The following SLC13A3 variants were observed in gnomAD, a reference collection of about 807,000 sequenced individuals.
SLC13A3 encodes solute carrier family 13 member 3, also known as Na(+)/dicarboxylate cotransporter 3.
A neutral mutation model predicts 59.0 loss-of-function variants in SLC13A3; 40 were observed. The observed-to-expected ratio is 0.68, with a 90% CI of 0.53 to 0.88. The LOEUF (loss-of-function observed/expected upper bound fraction) is 0.88, where lower values mean the gene tolerates loss of function less well. Among genes scored for constraint, SLC13A3 ranks in the 40% least tolerant of loss-of-function variants. The pLI, the probability that SLC13A3 is intolerant of heterozygous loss-of-function variation, is 0.00. For missense variants in SLC13A3, 699 were observed against 783.2 expected (o/e 0.89, Z 1.28); for synonymous variants, 317 against 330.3 (o/e 0.96, Z 0.44).
At chr20:46,654,276 T>A (rs1389096220), upstream of SLC13A3, among the ~76,000 whole-genome samples, 1 of 152,214 alleles carries the variant, frequency 6.6e-6, no homozygotes. Flanking sequence ...AGGGCCTTGG[T>A]CCATTTTTTT....
At position 46,592,420 on chromosome 20, in the gene SLC13A3, C is replaced by A; in HGVS notation, c.904G>T (p.Gly302Trp). The A allele has an allele frequency of 6.2e-7, 1 of 1,613,854 alleles. No individual in the cohort carries two copies. Among genetic ancestry groups the A allele is most frequent in the Non-Finnish European group, 8.5e-7 (1 of 1,179,876 alleles). ...AGWLWISFLYGGLSFRGWRKN... is the reference protein window; with the variant it reads ...AGWLWISFLYWGLSFRGWRKN... ...GAGAGGTACCTGAAGCTCAGTCCCCCGTACAGGAAGGAGATCCAGAGCCAG... is the reference window on the plus strand; with the variant it reads ...GAGAGGTACCTGAAGCTCAGTCCCCAGTACAGGAAGGAGATCCAGAGCCAG... The change falls in exon 6 of 13, where the codon GGG becomes TGG. Residue 302 changes from glycine (G) to tryptophan (W), a missense_variant. Coordinates refer to ENST00000279027, the MANE Select transcript of SLC13A3 (RefSeq NM_022829.6).
chr20:46,604,467 A>AT (rs979388566), intron 3 of SLC13A3, among the ~76,000 whole-genome samples: 5 of 151,642 alleles, frequency 3.3e-5, no homozygotes, highest in Admixed American at 2.6e-4. Flanking sequence ...AAAAAGTTTG[A>AT]TTTTTTTTCT....
At chr20:46,615,425 G>T (rs182375751) in intron 1 of SLC13A3, among the ~76,000 whole-genome samples, 4 of 152,286 alleles carry the variant, frequency 2.6e-5, no homozygotes, top group Middle Eastern at 6.8e-3. Flanking sequence ...CCATCTTACA[G>T]GGAGGCCAGG....
chr20:46,648,736 C>T (rs954801327), intron 1 of SLC13A3, among the ~76,000 whole-genome samples: 5 of 152,090 alleles, frequency 3.3e-5, no homozygotes, highest in African/African-American at 4.8e-5. Flanking sequence ...GAAACCCCGT[C>T]TCTACTAAAA....
intron 5 of SLC13A3, among the ~76,000 whole-genome samples, chr20:46,594,941 T>C (rs1367941514): frequency 6.6e-6 from 1 of 152,156 alleles, no homozygotes; most frequent in Non-Finnish European, 1.5e-5. Flanking sequence ...CACATGTATG[T>C]TACTGAGGGT....
chr20:46,589,822 A>G (rs535890711), intron 6 of SLC13A3, among the ~76,000 whole-genome samples: 1 of 152,338 alleles, frequency 6.6e-6, no homozygotes, highest in South Asian at 2.1e-4. Context: ...CTGGACCCCT[A>G]CCTCACACCA....
chr20:46,567,228 T>C (rs539600401), intron 10 of SLC13A3, among the ~76,000 whole-genome samples: 1 of 152,106 alleles, frequency 6.6e-6, no homozygotes. Flanking sequence ...TATACACACA[T>C]ACAGTAATAA....
rs539355401 is a variant in SLC13A3 at position 46,659,041 on chromosome 20, T to C, written c.-31+11002A>G. 3.9e-5 allele frequency among the ~76,000 whole-genome samples: 6 copies of C among 152,332 alleles called. No homozygotes were observed. The South Asian group carries it at 8.3e-4, about 21-fold the overall frequency. ...CCACTTTTTTTAAACTGTCAACCTG[T>C]TTCTATATGTACAATGTGTTTATTC... On this transcript the variant is annotated intron_variant, in intron 1 of 12. Transcript: ENST00000290317.
At chr20:46,601,994 C>A (rs1050529423) in intron 3 of SLC13A3, among the ~76,000 whole-genome samples, 2 of 152,110 alleles carry the variant, frequency 1.3e-5, no homozygotes, top group African/African-American at 4.8e-5. Flanking sequence ...ACTAGAGTAG[C>A]ATTTGAGCAG....
At chr20:46,667,081 G>C (rs953652497) in intron 1 of SLC13A3, among the ~76,000 whole-genome samples, 45 of 152,022 alleles carry the variant, frequency 3.0e-4, no homozygotes, top group African/African-American at 8.5e-4. Flanking sequence ...CCGAGGGCAA[G>C]TTATTTCCCA....
At chr20:46,616,733 A>G (rs573955572) in intron 1 of SLC13A3, among the ~76,000 whole-genome samples, 5 of 152,212 alleles carry the variant, frequency 3.3e-5, no homozygotes, top group Non-Finnish European at 7.3e-5. Context: ...AAGCTCCTGG[A>G]ATCCCAACAT....
At chr20:46,636,082 A>G (rs1407469722) in intron 1 of SLC13A3, among the ~76,000 whole-genome samples, 3 of 152,180 alleles carry the variant, frequency 2.0e-5, no homozygotes. Flanking sequence ...AATAACCACA[A>G]GTATGCTCAG....
intron 1 of SLC13A3, among the ~76,000 whole-genome samples, chr20:46,625,063 C>T (rs1468867148): frequency 1.3e-5 from 2 of 152,212 alleles, no homozygotes; most frequent in African/African-American, 4.8e-5. Flanking sequence ...GAGTCATGCA[C>T]CTGCTAGGCT....
At chr20:46,610,368 C>T (rs746042210) in intron 3 of SLC13A3, 78 bp downstream of exon 3, 1 of 1,465,338 alleles carries the variant, frequency 6.8e-7, no homozygotes, top group Non-Finnish European at 9.3e-7. Flanking sequence ...CCTTGGCCTT[C>T]CCTAACATCC....
intron 1 of SLC13A3, among the ~76,000 whole-genome samples, chr20:46,658,973 A>G (rs1467774349): frequency 2.6e-5 from 4 of 152,218 alleles, no homozygotes; most frequent in Admixed American, 6.5e-5. Context: ...TTAAATAGCC[A>G]CAATAGTTTT....
chr20:46,585,634 T>C (rs769928263), intron 8 of SLC13A3: 329 of 1,271,538 alleles, frequency 2.6e-4, no homozygotes, highest in Non-Finnish European at 3.1e-4. Context: ...AGTTCTCAGA[T>C]AGGCATTGTT....
chr20:46,610,767 A>C (rs1333865337), intron 2 of SLC13A3, among the ~76,000 whole-genome samples, 158 bp from the exon 3 acceptor site: 1 of 152,172 alleles, frequency 6.6e-6, no homozygotes, highest in Non-Finnish European at 1.5e-5. Context: ...GGTTTATTTT[A>C]GATCTAAGAA....
intron 10 of SLC13A3, among the ~76,000 whole-genome samples, chr20:46,567,303 A>C (rs951870097): frequency 2.0e-5 from 3 of 152,238 alleles, no homozygotes; most frequent in African/African-American, 7.2e-5. Flanking sequence ...TGTCGTAAGA[A>C]TCACCATTAT....
At chr20:46,676,334 T>C (rs898653945) in intron 1 of SLC13A3, among the ~76,000 whole-genome samples, 92 of 151,748 alleles carry the variant, frequency 6.1e-4, no homozygotes, top group African/African-American at 2.1e-3. Context: ...AAATAGAACT[T>C]GTCCATCCCC....
Sources: gnomAD v4.1 joint callset for allele counts (sites outside exome capture counted in the v4.1 genomes callset) on GRCh38, gnomAD v4.1.1 for gene constraint, MANE v1.5 for transcripts, NCBI Gene and HGNC (gene_info 2026-07-23, HGNC 2026-07-21) for gene names.